The following LPA variants were observed in gnomAD, a reference collection of about 807,000 sequenced individuals.
The protein encoded by LPA is lipoprotein(a), also known as apolipoprotein(a).
Under a neutral mutation model 197.9 loss-of-function variants are expected in LPA, and 199 were observed. The ratio of observed to expected loss-of-function variants is 1.01; its 90% CI spans 0.90 to 1.13. The LOEUF (loss-of-function observed/expected upper bound fraction) is 1.13, where lower values mean the gene tolerates loss of function less well. Among genes scored for constraint, LPA ranks in the 50% most tolerant of loss-of-function variants. The probability of loss-of-function intolerance (pLI) is 0.00; values close to 1 mark genes in which losing one functional copy is unlikely to be tolerated. For synonymous variants in LPA, 715 were observed against 639.5 expected (o/e 1.12, Z -1.78); for missense variants, 1,853 against 1,785.8 (o/e 1.04, Z -0.68).
chr6:160,556,031 G>A lies in LPA; in HGVS notation c.4967C>T (p.Pro1656Leu), dbSNP rs1372918336. Residue 1656 changes from proline to leucine, a missense_variant, in exon 30 of 39, where the codon CCA (proline) becomes CTA (leucine). Transcript: ENST00000316300. Reference protein sequence around the residue: ...HRHQRTPENYPNDGLTMNYCR... With the variant: ...HRHQRTPENYLNDGLTMNYCR... ...AGTAACATCAAAGACATACTCATTT[G>A]GGTAGTTTTCTGGGGTCCTCTGATG... 8 of 1,602,906 alleles carry A rather than the reference G, an allele frequency of 5.0e-6. No individual in the cohort carries two copies. Among genetic ancestry groups the A allele is most frequent in the East Asian group, 2.2e-5 (1 of 44,758 alleles).
At chr6:160,654,052 TATATTA>T (rs1342796743) in intron 1 of LPA, among the ~76,000 whole-genome samples, 15 of 8,402 alleles carry the variant, frequency 1.8e-3, no homozygotes, top group African/African-American at 6.6e-3. Context: ...TAATATATAA[TATATTA>T]TATATATTAT....
chr6:160,558,483 T>A (rs1256170095), intron 28 of LPA, among the ~76,000 whole-genome samples: 1 of 152,160 alleles, frequency 6.6e-6, no homozygotes, highest in Non-Finnish European at 1.5e-5. Context: ...TGTCTGGCTT[T>A]ACAAGACTTA....
chr6:160,600,121 C>T (rs1245102440), intron 19 of LPA, among the ~76,000 whole-genome samples: 1 of 152,128 alleles, frequency 6.6e-6, no homozygotes, highest in Non-Finnish European at 1.5e-5. Context: ...AAAAAGAAAG[C>T]ATTAAACTCC....
chr6:160,558,768 A>G (rs1431080282), intron 28 of LPA, among the ~76,000 whole-genome samples: 1 of 152,192 alleles, frequency 6.6e-6, no homozygotes, highest in Admixed American at 6.5e-5. Context: ...CCTGGGGTGG[A>G]GGGATCTTAG....
At chr6:160,620,740 AC>A (rs1779606448) in intron 12 of LPA, among the ~76,000 whole-genome samples, 1 of 96,614 alleles carries the variant, frequency 1.0e-5, no homozygotes, top group Non-Finnish European at 2.1e-5. Context: ...CTTGCTCTTT[AC>A]TGTGACTTGC....
intron 7 of LPA, among the ~76,000 whole-genome samples, chr6:160,634,817 G>A (rs574372294): frequency 6.7e-6 from 1 of 150,258 alleles, no homozygotes; most frequent in Non-Finnish European, 1.5e-5. Flanking sequence ...TCACACACCT[G>A]ACAGCACGTT....
At chr6:160,571,952 T>C (rs1778570215) in intron 28 of LPA, among the ~76,000 whole-genome samples, 1 of 152,226 alleles carries the variant, frequency 6.6e-6, no homozygotes, top group South Asian at 2.1e-4. Context: ...TAGCTTAGTG[T>C]CTGCCCAAAT....
rs777960988 is a variant in LPA at position 160,556,157 on chromosome 6, C to T, written c.4841G>A (p.Arg1614Gln). Residue 1614 changes from arginine to glutamine, a missense_variant, in exon 30 of 39, where the codon CGG (arginine) becomes CAG (glutamine). Physicochemically the swap from Arg to Gln is conservative, Grantham distance 43 (BLOSUM62 1). Around this residue, in one of 3 missense-constraint regions of LPA, gnomAD observed 1,737 missense variants for 1,504.4 expected, o/e 1.15. Coordinates refer to ENST00000316300, the MANE Select transcript of LPA (RefSeq NM_005577.4). The stretch of plus-strand genomic sequence containing the variant: ...CTGGCCATTACCATGGTAGCACTGC[C>T]GGACCACAGGGGTTTGCTCAGTTGG... ...AAPTEQTPVV[R>Q]QCYHGNGQSY... is the part of the protein sequence containing the mutation. 36 of 1,613,630 alleles carry T rather than the reference C, an allele frequency of 2.2e-5. No individual in the cohort carries two copies. The highest frequency in any genetic ancestry group is 1.2e-4 in the African/African-American group (9 of 74,780).
At chr6:160,600,505 C>T (rs9347419) in intron 19 of LPA, among the ~76,000 whole-genome samples, 1 of 152,254 alleles carries the variant, frequency 6.6e-6, no homozygotes, top group East Asian at 1.9e-4. Context: ...ATAACAGGAT[C>T]TAGAGCCACA....
intron 28 of LPA, among the ~76,000 whole-genome samples, chr6:160,568,050 C>T (rs921605154): frequency 2.0e-5 from 3 of 152,144 alleles, no homozygotes; most frequent in African/African-American, 7.2e-5. Flanking sequence ...TAGCCGAATT[C>T]TACCACAGAT....
In LPA at chr6:160,542,688, C is replaced by T; in HGVS notation, c.5519G>A (p.Arg1840Lys). 6.2e-7 allele frequency: 1 copy of T among 1,613,342 alleles called. No individual in the cohort carries two copies. Among genetic ancestry groups the T allele is most frequent in the Non-Finnish European group, 8.5e-7 (1 of 1,179,910 alleles). ...SWPWQVSLRT[R>K]FGKHFCGGTL... ...AGATGGTTTCTGGGCCTGTTCTTAC[C>T]TTGTTCTGAGACTGACTTGCCAGGG... The change falls in exon 34 of 39, where the codon AGG becomes AAG. Residue 1840 changes from arginine to lysine, a missense_variant and splice_region_variant. Physicochemically the swap from Arg to Lys is conservative, Grantham distance 26 (BLOSUM62 2). Around this residue, in one of 3 missense-constraint regions of LPA, gnomAD observed 1,737 missense variants for 1,504.4 expected, o/e 1.15. Transcript: ENST00000316300.
At chr6:160,595,607 T>C in intron 20 of LPA, 72 bp from the exon 21 acceptor site, 1 of 1,609,024 alleles carries the variant, frequency 6.2e-7, no homozygotes, top group South Asian at 1.1e-5. Context: ...CCCTCTACAT[T>C]TTGCTGTAAC....
chr6:160,606,400 T>G (rs1028749082), intron 17 of LPA, 77 bp downstream of exon 17: 163 of 1,559,514 alleles, frequency 1.0e-4, no homozygotes, highest in African/African-American at 1.5e-4. Flanking sequence ...CATTGGAGGC[T>G]GCTGCATCAG....
At chr6:160,596,561 C>A (rs1408719076) in intron 20 of LPA, among the ~76,000 whole-genome samples, 3 of 152,094 alleles carry the variant, frequency 2.0e-5, no homozygotes, top group South Asian at 2.1e-4. Flanking sequence ...ACAAAGTCAA[C>A]AATTGCCCAT....
chr6:160,586,155 T>G lies in LPA; in HGVS notation c.4129+294A>C, dbSNP rs573367606. 4.5e-4 allele frequency among the ~76,000 whole-genome samples: 69 copies of G among 152,306 alleles called. 2 individuals carry two copies. The highest frequency in any genetic ancestry group is 3.5e-3 in the Admixed American group (53 of 15,292). On this transcript the variant is annotated intron_variant, in intron 25 of 38. Transcript: ENST00000316300. ...TATCTTCACAAGTTTGGCAGGATGT[T>G]AGAATATCCATCTTGGCTAGGACAC...
intron 28 of LPA, among the ~76,000 whole-genome samples, chr6:160,568,228 A>G (rs1488266422): frequency 6.6e-6 from 1 of 152,204 alleles, no homozygotes; most frequent in East Asian, 1.9e-4. Context: ...ACATTGATGC[A>G]AAAATCCTCA....
intron 26 of LPA, among the ~76,000 whole-genome samples, chr6:160,584,543 G>A (rs1462553346): frequency 5.3e-5 from 8 of 151,740 alleles, no homozygotes. Context: ...TGTTAGCCAG[G>A]CTGGTCTTGA....
intron 2 of LPA, among the ~76,000 whole-genome samples, chr6:160,647,227 G>C (rs1400120532): frequency 6.6e-6 from 1 of 152,188 alleles, no homozygotes; most frequent in East Asian, 1.9e-4. Context: ...AAGACTAAGA[G>C]ATCTGAAGAG....
At chr6:160,634,782 G>C (rs534526388) in intron 7 of LPA, among the ~76,000 whole-genome samples, 1 of 150,800 alleles carries the variant, frequency 6.6e-6, no homozygotes, top group Non-Finnish European at 1.5e-5. Context: ...GAAATCCCCA[G>C]AAAAGCTTAC....
Sources: allele counts gnomAD v4.1 joint callset (sites outside exome capture counted in the v4.1 genomes callset), GRCh38; gene constraint gnomAD v4.1.1; regional missense constraint gnomAD v4.1.1; transcripts MANE v1.5; gene names NCBI Gene and HGNC (gene_info 2026-07-23, HGNC 2026-07-21).